The following GSAP variants were observed in gnomAD, a reference collection of about 807,000 sequenced individuals.
The protein encoded by GSAP is gamma-secretase-activating protein.
GSAP carries 118 observed loss-of-function variants against 131.7 expected under a neutral mutation model. The ratio of observed to expected loss-of-function variants is 0.90; its 90% CI spans 0.77 to 1.04. The LOEUF (loss-of-function observed/expected upper bound fraction) is 1.04. Ranked by LOEUF, GSAP falls within the 50% of genes least tolerant of loss-of-function variation. The pLI, the probability that GSAP is intolerant of heterozygous loss-of-function variation, is 0.00. For missense variants in GSAP, 1,019 were observed against 1,013.2 expected (o/e 1.01, Z -0.08); for synonymous variants, 381 against 363.4 (o/e 1.05, Z -0.55).
At chr7:77,351,065 C>A in intron 18 of GSAP, 1 of 916,640 alleles carries the variant, frequency 1.1e-6, no homozygotes, top group Non-Finnish European at 1.3e-6. Context: ...ATTTAAATGA[C>A]CGAGATTTTA....
intron 19 of GSAP, chr7:77,330,573 C>CTTTTTTTTTTT (rs750457611): frequency 2.6e-6 from 2 of 762,556 alleles, no homozygotes; most frequent in Admixed American, 7.9e-5. Context: ...TTTTCTGTCT[C>CTTTTTTTTTTT]TTTTTTTTTT....
At chr7:77,386,255 T>C (rs1310496901) in intron 6 of GSAP, among the ~76,000 whole-genome samples, 1 of 152,240 alleles carries the variant, frequency 6.6e-6, no homozygotes, top group Non-Finnish European at 1.5e-5. Flanking sequence ...GAACACTTCA[T>C]AGTCCACTTT....
At chr7:77,380,317 TAGA>T (rs1396084154) in intron 8 of GSAP, among the ~76,000 whole-genome samples, 3 of 152,336 alleles carry the variant, frequency 2.0e-5, no homozygotes, top group South Asian at 4.1e-4. Context: ...TGTCAATTGT[TAGA>T]AGTTTTTTTG....
chr7:77,371,411 A>G (rs956555142), intron 12 of GSAP, among the ~76,000 whole-genome samples: 1 of 147,642 alleles, frequency 6.8e-6, no homozygotes, highest in African/African-American at 2.5e-5. Context: ...GCCTTCTCCA[A>G]TCCGTCCTCC....
intron 6 of GSAP, among the ~76,000 whole-genome samples, chr7:77,383,290 A>C (rs539000785): frequency 6.6e-6 from 1 of 151,514 alleles, no homozygotes; most frequent in South Asian, 2.1e-4. Context: ...GAAACAATGC[A>C]AACAACATTT....
At position 77,316,703 on chromosome 7, in the gene GSAP, T is replaced by G. The variant is rs1269905878; in HGVS notation, c.2090-2214A>C. Among the ~76,000 whole-genome samples the G allele has an allele frequency of 5.3e-5, 8 of 152,190 alleles. No homozygotes were observed. The East Asian group carries it at 1.5e-3, about 29-fold the overall frequency. On this transcript the variant is annotated intron_variant, in intron 26 of 30. Coordinates refer to ENST00000257626, the MANE Select transcript of GSAP (RefSeq NM_017439.4). ...GTGTTCATATGCTAAAGGTCCCTGA[T>G]GACCCTTCATCCTCTATCCCCAGGG...
chr7:77,345,563 T>C (rs990907401), intron 19 of GSAP, among the ~76,000 whole-genome samples: 2 of 152,198 alleles, frequency 1.3e-5, no homozygotes, highest in East Asian at 3.9e-4. Flanking sequence ...ATGGCCGGTT[T>C]CTGCCTTAAC....
At chr7:77,318,905 T>C (rs1287730899) in intron 26 of GSAP, among the ~76,000 whole-genome samples, 3 of 94,402 alleles carry the variant, frequency 3.2e-5, no homozygotes, top group African/African-American at 8.5e-5. Flanking sequence ...GAAACGATCC[T>C]GGGCCTGTTG....
At chr7:77,402,079 C>A (rs1467635431) in intron 3 of GSAP, among the ~76,000 whole-genome samples, 1 of 152,052 alleles carries the variant, frequency 6.6e-6, no homozygotes, top group Admixed American at 6.6e-5. Context: ...CATTACTCTA[C>A]TAGTTTTATC....
intron 30 of GSAP, 28 bp from the exon 31 acceptor site, chr7:77,311,477 A>T (rs531113787): frequency 8.4e-7 from 1 of 1,192,264 alleles, no homozygotes; most frequent in Non-Finnish European, 1.3e-6. Flanking sequence ...GAGGGCAGGG[A>T]AAAAGGGTTA....
intron 12 of GSAP, among the ~76,000 whole-genome samples, chr7:77,367,305 C>T (rs1194866615): frequency 1.3e-5 from 2 of 152,186 alleles, no homozygotes; most frequent in Non-Finnish European, 2.9e-5. Flanking sequence ...AAGGGAAATG[C>T]TACCAGCTTT....
intron 3 of GSAP, among the ~76,000 whole-genome samples, chr7:77,402,097 A>T (rs759282185): frequency 6.6e-6 from 1 of 152,194 alleles, no homozygotes; most frequent in Non-Finnish European, 1.5e-5. Flanking sequence ...ATCAAATTTA[A>T]AAAATAAAAA....
At chr7:77,345,315 G>A (rs1358482763) in intron 19 of GSAP, among the ~76,000 whole-genome samples, 6 of 151,988 alleles carry the variant, frequency 3.9e-5, no homozygotes, top group African/African-American at 7.3e-5. Context: ...TTCCTATGCT[G>A]CCCCTAATCC....
intron 19 of GSAP, among the ~76,000 whole-genome samples, chr7:77,341,678 C>T (rs1790919664): frequency 6.6e-6 from 1 of 152,132 alleles, no homozygotes. Flanking sequence ...GCCAGAAGGC[C>T]GTCTTATTCT....
At position 77,390,964 on chromosome 7, in the gene GSAP, A is replaced by T. The variant is rs1242182124; in HGVS notation, c.368-3516T>A. 4.3e-5 allele frequency among the ~76,000 whole-genome samples: 5 copies of T among 117,212 alleles called. No homozygotes were observed. In the South Asian group the frequency reaches 1.9e-3, roughly 45 times the overall value. 76.9% of individuals were successfully genotyped at this position (117,212 alleles called of 152,430 possible). Reference sequence around the variant, plus strand: ...CTCCGTCTAAAAAAAAAAAAAAAAAAAAAAAAAAAAAAAAAAAAATTAGCC... The same window carrying T: ...CTCCGTCTAAAAAAAAAAAAAAAAATAAAAAAAAAAAAAAAAAAATTAGCC... On this transcript the variant is annotated intron_variant, in intron 5 of 30. Coordinates refer to ENST00000257626, the MANE Select transcript of GSAP (RefSeq NM_017439.4).
chr7:77,388,082 A>G (rs1421489605), intron 5 of GSAP, among the ~76,000 whole-genome samples: 1 of 152,246 alleles, frequency 6.6e-6, no homozygotes, highest in Non-Finnish European at 1.5e-5. Flanking sequence ...GGGGAAAAAA[A>G]GGTGATTTTC....
chr7:77,370,371 G>C (rs935166982), intron 12 of GSAP, among the ~76,000 whole-genome samples: 3 of 152,196 alleles, frequency 2.0e-5, no homozygotes, highest in East Asian at 1.9e-4. Flanking sequence ...TGAGGCAAGA[G>C]AATCTCTTGA....
chr7:77,373,954 C>T (rs990449924), intron 12 of GSAP, 116 bp downstream of exon 12: 15 of 681,396 alleles, frequency 2.2e-5, no homozygotes, highest in Admixed American at 2.0e-4. Flanking sequence ...ATATGATCAC[C>T]GACATAAAAA....
At position 77,311,431 on chromosome 7, in the gene GSAP, C is replaced by T. The variant is rs778086077; in HGVS notation, c.2492G>A (p.Gly831Glu). Residue 831 changes from glycine to glutamate, a missense_variant, in exon 31 of 31, where the codon GGA (glycine) becomes GAA (glutamate). By Grantham distance (98) the Gly-to-Glu change is moderately conservative. Coordinates refer to ENST00000257626, the MANE Select transcript of GSAP (RefSeq NM_017439.4). ...AAATTCTGCATCCACATTGTCATGT[C>T]CTTCAAAAGGATACAGGGCTGGAAA... is the stretch of plus-strand genomic sequence containing the variant. The part of the protein sequence containing the change: ...SSNQALYPFE[G>E]HDNVDAEFVE... 12 of 1,608,328 alleles carry T rather than the reference C, an allele frequency of 7.5e-6. No individual in the cohort carries two copies. Among genetic ancestry groups the T allele is most frequent in the South Asian group, 6.6e-5 (6 of 90,986 alleles).
Sources: gnomAD v4.1 joint callset for allele counts (sites outside exome capture counted in the v4.1 genomes callset) on GRCh38, gnomAD v4.1.1 for gene constraint, MANE v1.5 for transcripts, NCBI Gene and HGNC (gene_info 2026-07-23, HGNC 2026-07-21) for gene names.